The following C2CD3 variants were observed in gnomAD, a reference collection of about 807,000 sequenced individuals.
The protein encoded by C2CD3 is C2 domain containing 3 centriole elongation regulator.
Under a neutral mutation model 234.0 loss-of-function variants are expected in C2CD3, and 148 were observed. The ratio of observed to expected loss-of-function variants is 0.63; its 90% CI spans 0.55 to 0.72. The LOEUF (loss-of-function observed/expected upper bound fraction) is 0.72, where lower values mean the gene tolerates loss of function less well. Among genes scored for constraint, C2CD3 ranks in the 30% least tolerant of loss-of-function variants. C2CD3 has a pLI of 0.00. For synonymous variants in C2CD3, 1,000 were observed against 1,035.4 expected, an observed-to-expected ratio of 0.97 and a Z score of 0.66; for missense variants, 2,577 against 2,811.5, an observed-to-expected ratio of 0.92 and a Z score of 1.89.
chr11:74,020,175 C>T (rs898014441), intron 32 of C2CD3, among the ~76,000 whole-genome samples: 1 of 152,244 alleles, frequency 6.6e-6, no homozygotes, highest in Admixed American at 6.5e-5. Context: ...AGACAAGGCT[C>T]ACCTCATGGT....
chr11:74,092,199 T>C (rs1452782448), intron 19 of C2CD3, among the ~76,000 whole-genome samples: 3 of 151,962 alleles, frequency 2.0e-5, no homozygotes, highest in East Asian at 3.9e-4. Context: ...ATTACAAGCA[T>C]GGGCCACCAT....
chr11:74,095,133 C>T, intron 17 of C2CD3, 95 bp downstream of exon 17: 2 of 810,662 alleles, frequency 2.5e-6, no homozygotes, highest in Non-Finnish European at 1.8e-6. Context: ...TAGAAATATT[C>T]AACAACACAA....
Position 74,170,823 on chromosome 11 carries a change from A to G in C2CD3, c.-31T>C. On this transcript the variant is annotated 5_prime_UTR_variant, in exon 1 of 33. Transcript: ENST00000334126. ...GCCCGAGCTCTTCTTCACCAGCTCA[A>G]CTCCGTCTCCAGCACCTAAGCAGTA... 2 of 1,613,590 alleles carry G rather than the reference A, an allele frequency of 1.2e-6. No homozygotes were observed. Among genetic ancestry groups the G allele is most frequent in the Non-Finnish European group, 1.7e-6 (2 of 1,179,862 alleles).
intron 23 of C2CD3, among the ~76,000 whole-genome samples, chr11:74,075,540 C>T (rs534533294): frequency 7.7e-4 from 117 of 152,224 alleles, no homozygotes; most frequent in Non-Finnish European, 1.4e-3. Flanking sequence ...ATTTTACTAA[C>T]TTGCTGAATA....
At chr11:74,132,157 C>T (rs1161372675) in intron 7 of C2CD3, among the ~76,000 whole-genome samples, 2 of 152,110 alleles carry the variant, frequency 1.3e-5, no homozygotes, top group African/African-American at 4.8e-5. Flanking sequence ...TCGAGACCAG[C>T]CTGGACAACA....
intron 28 of C2CD3, among the ~76,000 whole-genome samples, chr11:74,045,817 C>T (rs902914856): frequency 2.6e-5 from 4 of 152,172 alleles, no homozygotes; most frequent in African/African-American, 2.4e-5. Flanking sequence ...AAGCAATCCT[C>T]TCACCTTGGT....
intron 5 of C2CD3, 42 bp downstream of exon 5, chr11:74,138,678 A>AAC: frequency 6.5e-7 from 1 of 1,532,354 alleles, no homozygotes; most frequent in Admixed American, 1.7e-5. Flanking sequence ...GCAATCCCAT[A>AAC]AACGTAGTTT....
In C2CD3 at chr11:74,034,633, T is replaced by C. The variant is rs539998524; in HGVS notation, c.5882-355A>G. 3 of 1,574,736 alleles carry C rather than the reference T, an allele frequency of 1.9e-6. No homozygotes were observed. In the East Asian group the frequency reaches 6.7e-5, roughly 35 times the overall value. ...CCTATATTAAAAATCAAAATGAGAATCCACTTATTTACCTATTTGATGACA... is the reference window on the plus strand; with the variant it reads ...CCTATATTAAAAATCAAAATGAGAACCCACTTATTTACCTATTTGATGACA... On this transcript the variant is annotated intron_variant, in intron 30 of 32. Transcript: ENST00000334126.
intron 13 of C2CD3, among the ~76,000 whole-genome samples, chr11:74,104,361 T>C (rs2135497887): frequency 1.3e-5 from 2 of 152,326 alleles, no homozygotes; most frequent in South Asian, 4.1e-4. Flanking sequence ...ATAGTATCAA[T>C]GCTATGCTGA....
rs1957980924 is a variant in C2CD3 at position 74,139,646 on chromosome 11, T to A, written c.666A>T (p.Gly222=). 1.9e-6 allele frequency: 3 copies of A among 1,613,974 alleles called. No homozygotes were observed. Among genetic ancestry groups the A allele is most frequent in the Non-Finnish European group, 2.5e-6 (3 of 1,179,856 alleles). The stretch of plus-strand genomic sequence containing the variant: ...TACTGCTGTTGGCTGCTAACTCTTT[T>A]CCATCAATTTTGATGGTATGTATGT... ...PRDIHTIKID[G]KELAANSSRS... Residue 222 remains glycine, a synonymous_variant, in exon 4 of 33, where the codon GGA becomes GGT. Coordinates refer to ENST00000334126, the MANE Select transcript of C2CD3 (RefSeq NM_001286577.2).
intron 9 of C2CD3, 88 bp from the exon 10 acceptor site, chr11:74,114,681 G>T: frequency 1.2e-6 from 1 of 844,938 alleles, no homozygotes. Flanking sequence ...TGAGGAAAAA[G>T]GGAGGGCAGC....
At chr11:74,157,629 ATG>A (rs1285778729) in intron 3 of C2CD3, among the ~76,000 whole-genome samples, 1 of 152,188 alleles carries the variant, frequency 6.6e-6, no homozygotes, top group African/African-American at 2.4e-5. Flanking sequence ...GTAATGTTAG[ATG>A]TTTTTTCCTT....
At chr11:74,108,123 C>A (rs1417153854) in intron 12 of C2CD3, 1 of 141,340 alleles carries the variant, frequency 7.1e-6, no homozygotes, top group African/African-American at 2.7e-5. Flanking sequence ...TACACTCCAG[C>A]CTGGGCGACA....
At chr11:74,064,475 T>A (rs901012413) in intron 24 of C2CD3, among the ~76,000 whole-genome samples, 8 of 152,204 alleles carry the variant, frequency 5.3e-5, no homozygotes, top group African/African-American at 1.7e-4. Context: ...AGAATCAATA[T>A]CGTGAAAATG....
intron 32 of C2CD3, among the ~76,000 whole-genome samples, chr11:74,020,672 C>G (rs1175943012): frequency 1.3e-5 from 2 of 152,176 alleles, no homozygotes; most frequent in African/African-American, 4.8e-5. Context: ...ACTGTGAGTT[C>G]CCCGAGGGAA....
intron 20 of C2CD3, among the ~76,000 whole-genome samples, chr11:74,087,376 C>T (rs1428774340): frequency 6.6e-6 from 1 of 152,014 alleles, no homozygotes; most frequent in African/African-American, 2.4e-5. Context: ...CCAGCCTGCC[C>T]AACATGACGA....
At chr11:74,054,218 G>A (rs1343374561) in intron 26 of C2CD3, among the ~76,000 whole-genome samples, 2 of 149,480 alleles carry the variant, frequency 1.3e-5, no homozygotes, top group Non-Finnish European at 3.0e-5. Context: ...CTTGCAGTGA[G>A]CCAAGATCGT....
At chr11:74,059,503 C>G (rs1591360491) in intron 24 of C2CD3, among the ~76,000 whole-genome samples, 1 of 151,912 alleles carries the variant, frequency 6.6e-6, no homozygotes, top group African/African-American at 2.4e-5. Context: ...AGGCTCCACC[C>G]TTTTCTCTAT....
Position 74,013,289 on chromosome 11 carries a change from A to C in C2CD3, c.*96T>G, listed in dbSNP as rs193066119. On this transcript the variant is annotated 3_prime_UTR_variant, in exon 33 of 33. Transcript: ENST00000334126. Reference sequence around the variant, plus strand: ...CAAGTGGTGGTTTCAGGACTGTGACAGCCCTGAAGGAGCCAGACCTGGTGC... The same window carrying C: ...CAAGTGGTGGTTTCAGGACTGTGACCGCCCTGAAGGAGCCAGACCTGGTGC... The C allele has an allele frequency of 4.5e-5, 20 of 441,182 alleles. No individual in the cohort carries two copies. Among genetic ancestry groups the C allele is most frequent in the South Asian group, 3.5e-4 (7 of 19,890 alleles). 27.3% of individuals were successfully genotyped at this position (441,182 alleles called of 1,614,324 possible).
Sources: gnomAD v4.1 joint callset for allele counts (sites outside exome capture counted in the v4.1 genomes callset) on GRCh38, gnomAD v4.1.1 for gene constraint, MANE v1.5 for transcripts, NCBI Gene and HGNC (gene_info 2026-07-23, HGNC 2026-07-21) for gene names.